Variants in TMEM266 observed in about 807,000 individuals in gnomAD.
TMEM266 encodes transmembrane protein 266.
In TMEM266, 33 loss-of-function variants were observed where a neutral mutation model predicts 50.5. That is an observed-to-expected ratio of 0.65 (90% CI 0.50 to 0.87). The LOEUF is 0.87. Among genes scored for constraint, TMEM266 ranks in the 40% least tolerant of loss-of-function variants. The pLI is 0.00. For missense variants in TMEM266, 655 were observed against 695.1 expected, an observed-to-expected ratio of 0.94 and a Z score of 0.65; for synonymous variants, 310 against 292.3, an observed-to-expected ratio of 1.06 and a Z score of -0.62.
chr15:76,093,351 A>G (rs1567148132), intron 1 of TMEM266, among the ~76,000 whole-genome samples: 1 of 144,698 alleles, frequency 6.9e-6, no homozygotes, highest in Non-Finnish European at 1.5e-5. Flanking sequence ...ATGTGTTCTC[A>G]TTGTTCAACT....
At chr15:76,122,188 C>G (rs1410578715) in intron 1 of TMEM266, among the ~76,000 whole-genome samples, 1 of 152,182 alleles carries the variant, frequency 6.6e-6, no homozygotes, top group Non-Finnish European at 1.5e-5. Flanking sequence ...AGCAGGCCAG[C>G]CTGAGTATGC....
In TMEM266 at chr15:76,067,645, AAAAAGAAAAG is replaced by A. The variant is rs373038029; in HGVS notation, c.-97+7649_-97+7658del. ...AAGGCTGCGTCTCAAAAAAAAAAAA[AAAAAGAAAAG>A]AAAAGAAAAGAAAAGAAAAAGTCAT... On this transcript the variant is annotated intron_variant, in intron 1 of 10. Transcript: ENST00000388942. Among the ~76,000 whole-genome samples the A allele has an allele frequency of 1.1e-3, 117 of 109,026 alleles. 1 individual carries two copies. The South Asian group carries it at 0.014, about 13-fold the overall frequency. The allele number at this position is 109,026 out of a possible 152,430, so 71.5% of individuals were successfully genotyped here.
chr15:76,150,873 G>T (rs1048778493), intron 3 of TMEM266, among the ~76,000 whole-genome samples: 8 of 152,194 alleles, frequency 5.3e-5, no homozygotes, highest in African/African-American at 1.7e-4. Context: ...TCATATTCTA[G>T]AATTTATTCT....
chr15:76,096,536 A>G (rs983089219), intron 1 of TMEM266, among the ~76,000 whole-genome samples: 8 of 151,996 alleles, frequency 5.3e-5, no homozygotes, highest in Non-Finnish European at 8.8e-5. Context: ...TTATGTGGTC[A>G]ATTTTAGAAT....
intron 1 of TMEM266, among the ~76,000 whole-genome samples, chr15:76,103,353 C>G (rs753115838): frequency 2.7e-5 from 4 of 150,358 alleles, no homozygotes; most frequent in South Asian, 2.1e-4. Flanking sequence ...AAAAAAAAAT[C>G]AGCCAGTCAT....
chr15:76,167,198 C>T (rs1203860632), intron 5 of TMEM266, among the ~76,000 whole-genome samples: 8 of 152,044 alleles, frequency 5.3e-5, no homozygotes, highest in Admixed American at 1.3e-4. Context: ...TGGCTGGGCG[C>T]GGTGGCTCAT....
intron 1 of TMEM266, among the ~76,000 whole-genome samples, chr15:76,115,052 C>T (rs1317963776): frequency 6.6e-6 from 1 of 152,204 alleles, no homozygotes; most frequent in Admixed American, 6.5e-5. Flanking sequence ...AGGAAGATTG[C>T]TTGAGCCCAG....
At chr15:76,105,756 G>A (rs1418305242) in intron 1 of TMEM266, among the ~76,000 whole-genome samples, 2 of 152,208 alleles carry the variant, frequency 1.3e-5, no homozygotes, top group Admixed American at 1.3e-4. Flanking sequence ...TGGGATCTGG[G>A]CACCAGGCAG....
At chr15:76,164,612 C>T (rs368246442) in intron 5 of TMEM266, among the ~76,000 whole-genome samples, 16 of 152,354 alleles carry the variant, frequency 1.1e-4, no homozygotes, top group East Asian at 9.6e-4. Flanking sequence ...CTGGAATCCA[C>T]GTCTTCCTCT....
chr15:76,148,441 C>G (rs1318189694), intron 3 of TMEM266, among the ~76,000 whole-genome samples: 1 of 152,196 alleles, frequency 6.6e-6, no homozygotes, highest in Non-Finnish European at 1.5e-5. Flanking sequence ...CAAGGAGATT[C>G]TCAGACTTGG....
chr15:76,173,638 G>A (rs1174284408), intron 7 of TMEM266, among the ~76,000 whole-genome samples: 1 of 152,108 alleles, frequency 6.6e-6, no homozygotes, highest in Non-Finnish European at 1.5e-5. Context: ...TTTCATTCAC[G>A]TGAAAGTCTG....
intron 3 of TMEM266, among the ~76,000 whole-genome samples, chr15:76,138,167 A>G (rs1048702135): frequency 7.1e-6 from 1 of 141,424 alleles, no homozygotes; most frequent in African/African-American, 2.6e-5. Flanking sequence ...GGTTGCAGTG[A>G]GCTGAAATTG....
chr15:76,169,563 G>A (rs543999775), intron 5 of TMEM266, among the ~76,000 whole-genome samples: 1 of 152,288 alleles, frequency 6.6e-6, no homozygotes, highest in Admixed American at 6.5e-5. Flanking sequence ...AGTGCCCAGG[G>A]GATGGCACAG....
chr15:76,192,022 G>T lies in TMEM266; in HGVS notation c.823G>T (p.Ala275Ser). The change falls in exon 9 of 11, where the codon GCC becomes TCC. Residue 275 changes from alanine (A) to serine (S), a missense_variant. Transcript: ENST00000388942. Reference sequence around the variant, plus strand: ...GGCGCAGCAGGACCTGGACCTGGCTGCCGAGCGCGAAGCGGCGCTCCAGGC... The same window carrying T: ...GGCGCAGCAGGACCTGGACCTGGCTTCCGAGCGCGAAGCGGCGCTCCAGGC... ...LAAEREAALQ[A>S]PHVLSQPRSR... 6.4e-7 allele frequency: 1 copy of T among 1,572,562 alleles called. No homozygotes were observed. Among genetic ancestry groups the T allele is most frequent in the Non-Finnish European group, 8.6e-7 (1 of 1,164,640 alleles).
At position 76,125,361 on chromosome 15, in the gene TMEM266, G is replaced by A. The variant is rs183009253; in HGVS notation, c.-96-8807G>A. Among the ~76,000 whole-genome samples, 215 of 152,086 alleles carry A rather than the reference G, an allele frequency of 1.4e-3. 1 individual carries two copies. Among genetic ancestry groups the A allele is most frequent in the Non-Finnish European group, 1.5e-3 (100 of 68,014 alleles). ...TGAAAAGGCAACCTACTGAATGGGA[G>A]GAAGTATGTTTTAGCAATATATCTG... is the stretch of plus-strand genomic sequence containing the variant. On this transcript the variant is annotated intron_variant, in intron 1 of 10. Coordinates refer to ENST00000388942, the MANE Select transcript of TMEM266 (RefSeq NM_152335.3).
intron 7 of TMEM266, among the ~76,000 whole-genome samples, chr15:76,172,592 G>A (rs1316027155): frequency 6.6e-6 from 1 of 152,204 alleles, no homozygotes; most frequent in African/African-American, 2.4e-5. Context: ...GGATCCCCCA[G>A]TAGGGAATCT....
intron 8 of TMEM266, among the ~76,000 whole-genome samples, chr15:76,177,988 G>C (rs1274441269): frequency 1.3e-5 from 2 of 152,252 alleles, no homozygotes; most frequent in East Asian, 3.8e-4. Context: ...CTGGGGAGAA[G>C]GCTGCCAGGC....
In TMEM266 at chr15:76,129,834, G is replaced by T. The variant is rs562014201; in HGVS notation, c.-96-4334G>T. On this transcript the variant is annotated intron_variant, in intron 1 of 10. Coordinates refer to ENST00000388942, the MANE Select transcript of TMEM266 (RefSeq NM_152335.3). ...ACCTAAGAGTCATATTAATCATAATGTGTGGCCTCTTTGGCTCCTGATTCA... is the reference window on the plus strand; with the variant it reads ...ACCTAAGAGTCATATTAATCATAATTTGTGGCCTCTTTGGCTCCTGATTCA... Among the ~76,000 whole-genome samples the T allele has an allele frequency of 1.8e-4, 27 of 152,192 alleles. No homozygotes were observed. In the South Asian group the frequency reaches 5.2e-3, roughly 29 times the overall value.
Position 76,168,235 on chromosome 15 carries a change from G to A in TMEM266, c.457-1581G>A, listed in dbSNP as rs28446264. Among the ~76,000 whole-genome samples the A allele has an allele frequency of 9.3e-3, 1,421 of 152,240 alleles. 13 individuals carry two copies. Among genetic ancestry groups the A allele is most frequent in the African/African-American group, 0.032 (1,341 of 41,526 alleles). ...AGAGACCGGGAAGTTATAGCGGAGC[G>A]GACTTCGGGCTGCCACATGCTCCTC... is the stretch of plus-strand genomic sequence containing the variant. On this transcript the variant is annotated intron_variant, in intron 5 of 10. Transcript: ENST00000388942. The surrounding 1 kb of genome is among the most constrained non-coding windows in gnomAD (Gnocchi z 4.4).
Sources: allele counts gnomAD v4.1 joint callset (sites outside exome capture counted in the v4.1 genomes callset), GRCh38; gene constraint gnomAD v4.1.1; non-coding constraint Gnocchi (gnomAD v3.1); transcripts MANE v1.5; gene names NCBI Gene and HGNC (gene_info 2026-07-23, HGNC 2026-07-21).